Variants in TPD52 observed in about 807,000 individuals in gnomAD.
The protein encoded by TPD52 is prostate and colon associated protein.
Under a neutral mutation model 31.3 loss-of-function variants are expected in TPD52, and 17 were observed. That is an observed-to-expected ratio of 0.54 (90% CI 0.37 to 0.82). The LOEUF (loss-of-function observed/expected upper bound fraction) is 0.82. Among genes scored for constraint, TPD52 ranks in the 40% least tolerant of loss-of-function variants. The pLI is 0.00. For synonymous variants in TPD52, 83 were observed against 89.6 expected, an observed-to-expected ratio of 0.93 and a Z score of 0.42; for missense variants, 212 against 240.1, an observed-to-expected ratio of 0.88 and a Z score of 0.77.
intron 1 of TPD52, among the ~76,000 whole-genome samples, chr8:80,097,050 C>T (rs1365106486): frequency 6.6e-6 from 1 of 152,164 alleles, no homozygotes; most frequent in Non-Finnish European, 1.5e-5. Context: ...AGTGCTACTC[C>T]AGTGAACACA....
At chr8:80,158,010 A>T (rs1811088730) in intron 1 of TPD52, among the ~76,000 whole-genome samples, 1 of 152,190 alleles carries the variant, frequency 6.6e-6, no homozygotes, top group Non-Finnish European at 1.5e-5. Context: ...CACAAATGCC[A>T]AACTACTCAT....
intron 1 of TPD52, among the ~76,000 whole-genome samples, chr8:80,148,317 A>AGTATGTGT (rs1554594167): frequency 6.9e-5 from 10 of 143,888 alleles, no homozygotes; most frequent in Admixed American, 6.2e-4. Context: ...TTCCTGGCTA[A>AGTATGTGT]GTGTGTGTGT....
chr8:80,038,020 C>A lies in TPD52; in HGVS notation c.*96G>T. 6.6e-7 allele frequency: 1 copy of A among 1,523,418 alleles called. No individual in the cohort carries two copies. The highest frequency in any genetic ancestry group is 1.2e-5 in the South Asian group (1 of 82,042). 94.4% of individuals were successfully genotyped at this position (1,523,418 alleles called of 1,614,324 possible). ...GAATATGTAAAGCTAAATAAAAGCA[C>A]ATCTGGTAGAAATTCATGGCAATGC... On this transcript the variant is annotated 3_prime_UTR_variant, in exon 8 of 8. Transcript: ENST00000518937.
At chr8:80,105,532 G>A (rs146847847) in intron 1 of TPD52, among the ~76,000 whole-genome samples, 66 of 152,224 alleles carry the variant, frequency 4.3e-4, no homozygotes, top group African/African-American at 1.5e-3. Flanking sequence ...AAGAGGGACA[G>A]GAATTGCTCA....
At chr8:80,041,665 G>A (rs1375636091) in intron 7 of TPD52, among the ~76,000 whole-genome samples, 1 of 151,884 alleles carries the variant, frequency 6.6e-6, no homozygotes, top group Non-Finnish European at 1.5e-5. Context: ...CATTATTATG[G>A]GGAAATGTTC....
intron 1 of TPD52, among the ~76,000 whole-genome samples, chr8:80,119,531 T>TG (rs372670347): frequency 1.3e-5 from 2 of 152,140 alleles, no homozygotes; most frequent in African/African-American, 4.8e-5. Context: ...GACAGTTTTC[T>TG]GGGGGAAAAA....
intron 1 of TPD52, among the ~76,000 whole-genome samples, chr8:80,092,994 A>C (rs964266683): frequency 7.9e-5 from 12 of 152,140 alleles, no homozygotes; most frequent in Admixed American, 3.9e-4. Flanking sequence ...ATTTTGTCTC[A>C]ATTAAAAAAT....
chr8:80,160,317 T>C (rs1334872300), intron 1 of TPD52, among the ~76,000 whole-genome samples: 2 of 152,184 alleles, frequency 1.3e-5, no homozygotes, highest in Admixed American at 6.5e-5. Flanking sequence ...GTCGTGATCA[T>C]TCAGATTATG....
At chr8:80,060,784 A>C (rs905677655) in intron 2 of TPD52, among the ~76,000 whole-genome samples, 3 of 149,856 alleles carry the variant, frequency 2.0e-5, no homozygotes, top group East Asian at 1.9e-4. Flanking sequence ...GAAAAAAAAA[A>C]CCCACTAAAA....
intron 7 of TPD52, chr8:80,042,413 G>C: frequency 1.0e-6 from 1 of 985,438 alleles, no homozygotes; most frequent in Non-Finnish European, 1.2e-6. Flanking sequence ...CTTTCAGCAT[G>C]TGGCATGCTG....
intron 1 of TPD52, among the ~76,000 whole-genome samples, chr8:80,072,033 G>A (rs55795852): frequency 0.02 from 3,080 of 152,202 alleles, 101 homozygotes; most frequent in African/African-American, 0.069. Context: ...AATGTAGGCC[G>A]GGCGCGGTGG....
At chr8:80,138,276 A>C (rs1222452862) in intron 1 of TPD52, among the ~76,000 whole-genome samples, 2 of 152,166 alleles carry the variant, frequency 1.3e-5, no homozygotes, top group Admixed American at 6.5e-5. Flanking sequence ...TCTCAGTAGA[A>C]GTCTGCGTTA....
chr8:80,064,907 C>G, intron 1 of TPD52: 1 of 503,922 alleles, frequency 2.0e-6, no homozygotes, highest in Non-Finnish European at 3.8e-6. Flanking sequence ...CTTGCTGAGA[C>G]TTTAAATTGC....
intron 1 of TPD52, among the ~76,000 whole-genome samples, chr8:80,144,531 A>G (rs1418551671): frequency 6.6e-6 from 1 of 152,226 alleles, no homozygotes; most frequent in Non-Finnish European, 1.5e-5. Flanking sequence ...CAACTGCAGC[A>G]TGCCCTTCAG....
intron 1 of TPD52, among the ~76,000 whole-genome samples, chr8:80,102,554 T>C (rs534356491): frequency 7.9e-5 from 12 of 152,250 alleles, no homozygotes; most frequent in African/African-American, 2.9e-4. Context: ...CTACAGAGGG[T>C]AGCAGAAAAA....
intron 1 of TPD52, among the ~76,000 whole-genome samples, chr8:80,164,189 G>GA (rs949397190): frequency 2.0e-5 from 3 of 151,240 alleles, no homozygotes; most frequent in Non-Finnish European, 4.4e-5. Context: ...AGAATACCTA[G>GA]AAAAAAACTG....
At chr8:80,076,206 G>A (rs570925144) in intron 1 of TPD52, among the ~76,000 whole-genome samples, 7 of 152,146 alleles carry the variant, frequency 4.6e-5, no homozygotes, top group South Asian at 2.1e-4. Flanking sequence ...ACATGCATGC[G>A]TAAGTTCATT....
intron 1 of TPD52, among the ~76,000 whole-genome samples, chr8:80,165,844 T>C (rs1811674372): frequency 1.3e-5 from 2 of 151,832 alleles, no homozygotes; most frequent in African/African-American, 4.8e-5. Context: ...TGTTAATCTA[T>C]CTCATGTTGG....
At chr8:80,091,566 A>G (rs1414276021) in intron 1 of TPD52, among the ~76,000 whole-genome samples, 1 of 152,238 alleles carries the variant, frequency 6.6e-6, no homozygotes, top group Non-Finnish European at 1.5e-5. Flanking sequence ...TGAGAACACC[A>G]GAAAATAGTG....
Sources: gnomAD v4.1 joint callset for allele counts (sites outside exome capture counted in the v4.1 genomes callset) on GRCh38, gnomAD v4.1.1 for gene constraint, MANE v1.5 for transcripts, NCBI Gene and HGNC (gene_info 2026-07-23, HGNC 2026-07-21) for gene names.